Variants in ELOVL6 observed in about 807,000 individuals in gnomAD.
ELOVL6 encodes very long chain fatty acid elongase 6.
ELOVL6 carries 8 observed loss-of-function variants against 31.7 expected under a neutral mutation model. The observed-to-expected ratio is 0.25, with a 90% CI of 0.15 to 0.45. The LOEUF (loss-of-function observed/expected upper bound fraction) is 0.45, where lower values mean the gene tolerates loss of function less well. Ranked by LOEUF, ELOVL6 falls within the 20% of genes least tolerant of loss-of-function variation. ELOVL6 has a pLI of 1.00. For synonymous variants in ELOVL6, 101 were observed against 117.7 expected (o/e 0.86, Z 0.92); for missense variants, 126 against 326.4 (o/e 0.39, Z 4.73).
intron 1 of ELOVL6, among the ~76,000 whole-genome samples, chr4:110,120,322 G>T (rs1325985067): frequency 6.9e-6 from 1 of 144,466 alleles, no homozygotes; most frequent in African/African-American, 2.6e-5. Flanking sequence ...ACACAGAAAG[G>T]TTTCCTACCA....
chr4:110,192,125 G>C (rs1759640831), intron 1 of ELOVL6, among the ~76,000 whole-genome samples: 1 of 151,274 alleles, frequency 6.6e-6, no homozygotes, highest in Non-Finnish European at 1.5e-5. Context: ...AGGAGGCAGA[G>C]GTTGCAGTAA....
At chr4:110,127,863 G>C (rs1482180971) in intron 1 of ELOVL6, among the ~76,000 whole-genome samples, 3 of 152,036 alleles carry the variant, frequency 2.0e-5, no homozygotes, top group African/African-American at 7.2e-5. Flanking sequence ...CTTGCACCCA[G>C]ACATGTTTTG....
chr4:110,098,651 A>G (rs1578479568), intron 2 of ELOVL6, among the ~76,000 whole-genome samples: 1 of 152,110 alleles, frequency 6.6e-6, no homozygotes, highest in East Asian at 1.9e-4. Flanking sequence ...ATATTCATAA[A>G]TGTAGTATTA....
At chr4:110,111,635 C>T (rs1757039690) in intron 1 of ELOVL6, among the ~76,000 whole-genome samples, 1 of 152,038 alleles carries the variant, frequency 6.6e-6, no homozygotes, top group South Asian at 2.1e-4. Context: ...ATGTGTGTTA[C>T]AGATAATGTT....
intron 2 of ELOVL6, among the ~76,000 whole-genome samples, chr4:110,085,475 C>T (rs1418096495): frequency 6.6e-6 from 1 of 152,112 alleles, no homozygotes; most frequent in African/African-American, 2.4e-5. Context: ...CCATAGTTGA[C>T]CAGAATCACA....
At chr4:110,095,403 A>G (rs895408218) in intron 2 of ELOVL6, among the ~76,000 whole-genome samples, 2 of 151,694 alleles carry the variant, frequency 1.3e-5, no homozygotes, top group Non-Finnish European at 2.9e-5. Flanking sequence ...AATCACTTGA[A>G]CCCAGGAGAA....
intron 2 of ELOVL6, among the ~76,000 whole-genome samples, chr4:110,100,447 T>A (rs1756708707): frequency 6.6e-6 from 1 of 152,148 alleles, no homozygotes; most frequent in African/African-American, 2.4e-5. Context: ...TAAAACCCCA[T>A]CACTTTTTGA....
intron 1 of ELOVL6, among the ~76,000 whole-genome samples, chr4:110,106,048 C>T (rs1250837018): frequency 6.6e-6 from 1 of 152,162 alleles, no homozygotes; most frequent in Non-Finnish European, 1.5e-5. Flanking sequence ...TGTCTTGGAA[C>T]AAGATAGCCA....
chr4:110,106,407 T>G (rs1414406637), intron 1 of ELOVL6, among the ~76,000 whole-genome samples: 1 of 152,170 alleles, frequency 6.6e-6, no homozygotes, highest in Non-Finnish European at 1.5e-5. Flanking sequence ...GTTTTTTAAT[T>G]ACATGCTAAA....
chr4:110,100,154 A>G (rs1764011825), intron 2 of ELOVL6, among the ~76,000 whole-genome samples: 1 of 151,712 alleles, frequency 6.6e-6, no homozygotes, highest in South Asian at 2.1e-4. Context: ...ATTTATAAAG[A>G]TTAATTGACA....
intron 1 of ELOVL6, among the ~76,000 whole-genome samples, chr4:110,123,926 TGGTAAAGAA>T (rs1269263763): frequency 6.6e-6 from 1 of 152,212 alleles, no homozygotes; most frequent in Non-Finnish European, 1.5e-5. Context: ...ATCTAGACTA[TGGTAAAGAA>T]GGTTTGTTTG....
intron 1 of ELOVL6, among the ~76,000 whole-genome samples, chr4:110,128,912 C>T (rs897571616): frequency 6.6e-6 from 1 of 152,124 alleles, no homozygotes; most frequent in Non-Finnish European, 1.5e-5. Context: ...TTGGAAGATA[C>T]AAGAAAGGCT....
chr4:110,109,652 A>G (rs1756975927), intron 1 of ELOVL6, among the ~76,000 whole-genome samples: 1 of 152,196 alleles, frequency 6.6e-6, no homozygotes, highest in Admixed American at 6.5e-5. Flanking sequence ...CATTTCTGAA[A>G]AAGTATGCAT....
chr4:110,114,221 A>C (rs1205962573), intron 1 of ELOVL6, among the ~76,000 whole-genome samples: 1 of 152,212 alleles, frequency 6.6e-6, no homozygotes, highest in African/African-American at 2.4e-5. Flanking sequence ...AGCCTTAAAA[A>C]TCTATTCTAT....
intron 2 of ELOVL6, among the ~76,000 whole-genome samples, chr4:110,084,376 G>C (rs1178834397): frequency 4.9e-5 from 2 of 40,536 alleles, no homozygotes; most frequent in Non-Finnish European, 9.1e-5. Context: ...TATGATATAT[G>C]ATATATATCG....
intron 2 of ELOVL6, among the ~76,000 whole-genome samples, chr4:110,068,178 G>A (rs1167189218): frequency 6.6e-6 from 1 of 152,128 alleles, no homozygotes; most frequent in Non-Finnish European, 1.5e-5. Context: ...ACAGAGATAA[G>A]GCCTTTTTGG....
chr4:110,053,967 G>GC (rs1201006735), intron 3 of ELOVL6, among the ~76,000 whole-genome samples: 1 of 151,928 alleles, frequency 6.6e-6, no homozygotes, highest in Non-Finnish European at 1.5e-5. Flanking sequence ...GGGCATTGTG[G>GC]CAGGCACCTG....
intron 1 of ELOVL6, among the ~76,000 whole-genome samples, chr4:110,189,764 C>T (rs1369888301): frequency 3.3e-5 from 5 of 151,752 alleles, no homozygotes; most frequent in African/African-American, 1.2e-4. Flanking sequence ...GTCAGGAGAT[C>T]GAGACCATCC....
intron 2 of ELOVL6, among the ~76,000 whole-genome samples, chr4:110,064,078 CA>C (rs34104506): frequency 0.22 from 22,765 of 103,182 alleles, 2,329 homozygotes; most frequent in East Asian, 0.57. Context: ...AACTCTGTCT[CA>C]AAAAAAAAAA....
Sources: allele counts gnomAD v4.1 joint callset (sites outside exome capture counted in the v4.1 genomes callset), GRCh38; gene constraint gnomAD v4.1.1; transcripts MANE v1.5; gene names NCBI Gene and HGNC (gene_info 2026-07-23, HGNC 2026-07-21).